The following FN1 variants were observed in gnomAD, a reference collection of about 807,000 sequenced individuals.
FN1 encodes fibronectin.
FN1 carries 106 observed loss-of-function variants against 297.3 expected under a neutral mutation model. The ratio of observed to expected loss-of-function variants is 0.36; its 90% CI spans 0.30 to 0.42. The LOEUF is 0.42. Among genes scored for constraint, FN1 ranks in the 10% least tolerant of loss-of-function variants. The pLI, the probability that FN1 is intolerant of heterozygous loss-of-function variation, is 1.00. For missense variants in FN1, 2,690 were observed against 3,124.9 expected, an observed-to-expected ratio of 0.86 and a Z score of 3.32; for synonymous variants, 1,149 against 1,152.6, an observed-to-expected ratio of 1.00 and a Z score of 0.06.
Position 215,361,149 on chromosome 2 carries a change from G to T in FN1, c.*406C>A, listed in dbSNP as rs1485630191. 4.6e-6 allele frequency: 1 copy of T among 219,434 alleles called. No individual in the cohort carries two copies. Among genetic ancestry groups the T allele is most frequent in the African/African-American group, 2.3e-5 (1 of 43,576 alleles). The allele number at this position is 219,434 out of a possible 1,614,324, so 13.6% of individuals were successfully genotyped here. On this transcript the variant is annotated 3_prime_UTR_variant, in exon 46 of 46. Coordinates refer to ENST00000354785, the MANE Select transcript of FN1 (RefSeq NM_212482.4). ...TAACAAGATCATGCTTGTTCCTACA[G>T]TATTGCGGGCCAGACACTTAAGTGA... is the stretch of plus-strand genomic sequence containing the variant.
chr2:215,404,307 T>TTTTTTTTTG lies in FN1; in HGVS notation c.3253+81_3253+82insCAAAAAAAA. ...TGTACTAATTTTTTAATGTTTTTTT[T>TTTTTTTTTG]GTTTTGTTTTGTTTTGTTTTAAAGC... On this transcript the variant is annotated intron_variant, in intron 20 of 45. Coordinates refer to ENST00000354785, the MANE Select transcript of FN1 (RefSeq NM_212482.4). 9 of 1,234,154 alleles carry TTTTTTTTTG rather than the reference T, an allele frequency of 7.3e-6. No individual in the cohort carries two copies. In the South Asian group the frequency reaches 8.0e-5, roughly 11 times the overall value. The allele number at this position is 1,234,154 out of a possible 1,614,324, so 76.5% of individuals were successfully genotyped here.
Position 215,404,230 on chromosome 2 carries a change from G to A in FN1, c.3253+159C>T, listed in dbSNP as rs142018215. On this transcript the variant is annotated intron_variant, in intron 20 of 45. Coordinates refer to ENST00000354785, the MANE Select transcript of FN1 (RefSeq NM_212482.4). The stretch of plus-strand genomic sequence containing the variant: ...TGCAGACTAGCAGCAAACAATTAAC[G>A]GGCCAGCAGCCAGTCTATGGAGCAC... Among the ~76,000 whole-genome samples, 763 of 152,138 alleles carry A rather than the reference G, an allele frequency of 5.0e-3. 5 individuals are homozygous for A. Among genetic ancestry groups the A allele is most frequent in the African/African-American group, 0.017 (714 of 41,524 alleles).
intron 12 of FN1, 110 bp downstream of exon 12, chr2:215,419,132 G>A: frequency 2.4e-6 from 2 of 843,402 alleles, no homozygotes; most frequent in Non-Finnish European, 4.1e-6. Context: ...AAGAGAAAAG[G>A]GTGGGAAAGA....
At position 215,367,993 on chromosome 2, in the gene FN1, C is replaced by T. The variant is rs377097845; in HGVS notation, c.6888G>A (p.Ser2296=). ...NEGLNQPTDD[S]CFDPYTVSHY... ...GGGAAACTGTGTAGGGGTCAAAGCACGAGTCATCCGTAGGTTGGTTCAAGC... is the reference window on the plus strand; with the variant it reads ...GGGAAACTGTGTAGGGGTCAAAGCATGAGTCATCCGTAGGTTGGTTCAAGC... The change falls in exon 42 of 46, where the codon TCG becomes TCA. Residue 2296 remains serine, a synonymous_variant. Coordinates refer to ENST00000354785, the MANE Select transcript of FN1 (RefSeq NM_212482.4). 5.0e-6 allele frequency: 8 copies of T among 1,614,014 alleles called. No individual in the cohort carries two copies. The highest frequency in any genetic ancestry group is 3.3e-5 in the Admixed American group (2 of 60,004).
Position 215,435,710 on chromosome 2 carries a change from C to T in FN1, c.93G>A (p.Arg31=). The T allele has an allele frequency of 1.2e-6, 2 of 1,612,624 alleles. No homozygotes were observed. The highest frequency in any genetic ancestry group is 1.1e-5 in the South Asian group (1 of 90,740). The change falls in exon 1 of 46, where the codon AGG becomes AGA. Residue 31 remains arginine, a synonymous_variant. Coordinates refer to ENST00000354785, the MANE Select transcript of FN1 (RefSeq NM_212482.4). ...VPSTGASKSK[R]QAQQMVQPQS... ...GGGGCTGAACCATTTGCTGAGCCTG[C>T]CTCTTGCTCTTCGAGGCTCCCGTGG...
rs183520841 is a variant in FN1, at chr2:215,361,672, A to G, written c.7363-46T>C. Reference sequence around the variant, plus strand: ...AAAAAAAATTAGTGGCAAATACTGTAAAGTGTACAGAAAAAAAAATGCGGG... The same window carrying G: ...AAAAAAAATTAGTGGCAAATACTGTGAAGTGTACAGAAAAAAAAATGCGGG... On this transcript the variant is annotated intron_variant, in intron 45 of 45. Transcript: ENST00000354785. 4,086 of 1,414,586 alleles carry G rather than the reference A, an allele frequency of 2.9e-3. 11 individuals carry two copies. Among genetic ancestry groups the G allele is most frequent in the Non-Finnish European group, 3.5e-3 (3,542 of 998,018 alleles). The allele number at this position is 1,414,586 out of a possible 1,614,324, so 87.6% of individuals were successfully genotyped here.
chr2:215,386,604 T>G, intron 28 of FN1, 85 bp downstream of exon 28: 1 of 725,344 alleles, frequency 1.4e-6, no homozygotes, highest in South Asian at 1.6e-5. Context: ...TGAGAGCTGA[T>G]GACAGACAAC....
Position 215,370,824 on chromosome 2 carries a change from C to T in FN1, c.6715-392G>A, listed in dbSNP as rs143499738. Among the ~76,000 whole-genome samples, 6 of 152,288 alleles carry T rather than the reference C, an allele frequency of 3.9e-5. No homozygotes were observed. The East Asian group carries it at 1.2e-3, about 29-fold the overall frequency. ...GCTATATGGGAGACACGGTCATGCT[C>T]CTCCAGGTGACATCTGACCCCAGTG... On this transcript the variant is annotated intron_variant, in intron 40 of 45. Transcript: ENST00000354785.
At chr2:215,388,411 G>T in intron 26 of FN1, 110 bp from the exon 27 acceptor site, 2 of 793,530 alleles carry the variant, frequency 2.5e-6, no homozygotes. Context: ...CAGTCCTATA[G>T]CCTACTTACA....
At chr2:215,415,844 A>C (rs2106359429) in intron 12 of FN1, among the ~76,000 whole-genome samples, 1 of 152,204 alleles carries the variant, frequency 6.6e-6, no homozygotes, top group East Asian at 1.9e-4. Flanking sequence ...ATAGCTAGAA[A>C]ATTTATGCTT....
rs776760074 is a variant in FN1 at position 215,419,363 on chromosome 2, A to G, written c.1698T>C (p.Thr566=). Residue 566 remains threonine, a synonymous_variant, in exon 12 of 46, where the codon ACT becomes ACC. Transcript: ENST00000354785. ...AATCTCCAATTTGATAAAACGTCCC[A>G]GTCTCTGAATCCTGGCATTGGTCTA... ...DPVDQCQDSE[T]GTFYQIGDSW... 4.3e-6 allele frequency: 7 copies of G among 1,613,438 alleles called. No individual in the cohort carries two copies. The East Asian group carries it at 1.6e-4, about 36-fold the overall frequency.
Position 215,384,110 on chromosome 2 carries a change from C to T in FN1, c.4804G>A (p.Gly1602Arg), listed in dbSNP as rs1386476398. Residue 1602 changes from glycine (G) to arginine (R), a missense_variant, in exon 30 of 46, where the codon GGA (glycine) becomes AGA (arginine). Gly to Arg is a moderately radical substitution (Grantham distance 125). Coordinates refer to ENST00000354785, the MANE Select transcript of FN1 (RefSeq NM_212482.4). Reference sequence around the variant, plus strand: ...TACACAGTGATGGTATAATCAACTCCAGGTTTAAGGCCGCTGATGGTAGCT... The same window carrying T: ...TACACAGTGATGGTATAATCAACTCTAGGTTTAAGGCCGCTGATGGTAGCT... ...STATISGLKPGVDYTITVYAV... is the reference protein window; with the variant it reads ...STATISGLKPRVDYTITVYAV... The T allele has an allele frequency of 6.2e-7, 1 of 1,614,118 alleles. No individual in the cohort carries two copies. The highest frequency in any genetic ancestry group is 1.7e-5 in the Admixed American group (1 of 60,012).
chr2:215,419,193 G>A, intron 12 of FN1, 49 bp downstream of exon 12: 1 of 1,576,706 alleles, frequency 6.3e-7, no homozygotes, highest in Non-Finnish European at 8.7e-7. Context: ...CTGCCCTGTT[G>A]TTATAACCCA....
At chr2:215,387,413 T>G (rs2059165392) in intron 27 of FN1, among the ~76,000 whole-genome samples, 1 of 152,110 alleles carries the variant, frequency 6.6e-6, no homozygotes, top group Admixed American at 6.5e-5. Context: ...CCTCCTAAGC[T>G]CAAGAGGAAA....
At chr2:215,397,339 C>T (rs1191510371) in intron 22 of FN1, 116 bp from the exon 23 acceptor site, 2 of 756,086 alleles carry the variant, frequency 2.6e-6, no homozygotes, top group Non-Finnish European at 4.7e-6. Flanking sequence ...TCCCTCCCTC[C>T]CATAAAAATA....
chr2:215,432,007 A>ATT (rs113868976), intron 3 of FN1, 43 bp from the exon 4 acceptor site: 876 of 1,404,080 alleles, frequency 6.2e-4, no homozygotes, highest in Non-Finnish European at 7.5e-4. Flanking sequence ...GGCAGAACAG[A>ATT]TTTTTTTTTT....
At chr2:215,374,788 G>A (rs184027863) in intron 38 of FN1, among the ~76,000 whole-genome samples, 1 of 152,322 alleles carries the variant, frequency 6.6e-6, no homozygotes, top group African/African-American at 2.4e-5. Flanking sequence ...GGACTGCTCT[G>A]CCTCAAGACC....
intron 21 of FN1, among the ~76,000 whole-genome samples, chr2:215,398,509 T>C (rs1056808621): frequency 6.6e-6 from 1 of 152,198 alleles, no homozygotes; most frequent in African/African-American, 2.4e-5. Flanking sequence ...ATTAAGGGAA[T>C]TAAAAGGTAT....
In FN1 at chr2:215,392,075, GT is replaced by G. The variant is rs2059772093; in HGVS notation, c.4070-262del. ...AAAATTTTAATCTACTTTCAAATATGTTGACTTTATGTACATTATTAATACC... is the reference window on the plus strand; with the variant it reads ...AAAATTTTAATCTACTTTCAAATATGTGACTTTATGTACATTATTAATACC... On this transcript the variant is annotated intron_variant, in intron 25 of 45. Coordinates refer to ENST00000354785, the MANE Select transcript of FN1 (RefSeq NM_212482.4). 2.0e-5 allele frequency: 9 copies of G among 454,276 alleles called. No individual in the cohort carries two copies. The South Asian group carries it at 2.1e-4, about 10-fold the overall frequency. The allele number at this position is 454,276 out of a possible 1,614,324, so 28.1% of individuals were successfully genotyped here.
Sources: gnomAD v4.1 joint callset for allele counts (sites outside exome capture counted in the v4.1 genomes callset) on GRCh38, gnomAD v4.1.1 for gene constraint, MANE v1.5 for transcripts, NCBI Gene and HGNC (gene_info 2026-07-23, HGNC 2026-07-21) for gene names.